The following GALNTL6 variants were observed in gnomAD, a reference collection of about 807,000 sequenced individuals.
GALNTL6 encodes polypeptide N-acetylgalactosaminyltransferase-like 6.
Under a neutral mutation model 73.7 loss-of-function variants are expected in GALNTL6, and 46 were observed. The observed-to-expected ratio is 0.62, with a 90% CI of 0.49 to 0.80. GALNTL6 has a LOEUF of 0.80. Ranked by LOEUF, GALNTL6 falls within the 30% of genes least tolerant of loss-of-function variation. The pLI is 0.00. For missense variants in GALNTL6, 604 were observed against 755.0 expected (o/e 0.80, Z 2.34); for synonymous variants, 259 against 263.7 (o/e 0.98, Z 0.17).
intron 2 of GALNTL6, among the ~76,000 whole-genome samples, chr4:171,900,537 G>A (rs1313004760): frequency 1.3e-5 from 2 of 150,186 alleles, no homozygotes; most frequent in African/African-American, 2.5e-5. Context: ...CCAGGATGGT[G>A]TCAATCTCCT....
At chr4:172,123,756 C>T (rs1206945854) in intron 2 of GALNTL6, among the ~76,000 whole-genome samples, 1 of 152,114 alleles carries the variant, frequency 6.6e-6, no homozygotes, top group Non-Finnish European at 1.5e-5. Flanking sequence ...ACCTCAGCCT[C>T]CCAAAGTGCT....
rs568977528 is a variant in GALNTL6 at position 171,910,385 on chromosome 4, A to AT, written c.138+95668dup. 4.4e-3 allele frequency among the ~76,000 whole-genome samples: 667 copies of AT among 152,278 alleles called. 2 individuals carry two copies. Among genetic ancestry groups the AT allele is most frequent in the Middle Eastern group, 0.014 (4 of 294 alleles). On this transcript the variant is annotated intron_variant, in intron 2 of 12. Coordinates refer to ENST00000506823, the MANE Select transcript of GALNTL6 (RefSeq NM_001034845.3). ...AAACAGATTGAAAGAAAAACTGGTG[A>AT]TAAAAAAAAGACCCAAAACCAATAA...
intron 2 of GALNTL6, among the ~76,000 whole-genome samples, chr4:172,159,667 T>C (rs1734393493): frequency 6.6e-6 from 1 of 152,122 alleles, no homozygotes; most frequent in Non-Finnish European, 1.5e-5. Context: ...GGCTGGAGTT[T>C]TGTTAAGTGA....
At chr4:171,836,031 T>C (rs1048949753) in intron 2 of GALNTL6, among the ~76,000 whole-genome samples, 2 of 151,934 alleles carry the variant, frequency 1.3e-5, no homozygotes, top group Non-Finnish European at 2.9e-5. Flanking sequence ...GAAGGGAAAA[T>C]GATACTATCA....
At chr4:172,356,587 T>G (rs1742170745) in intron 5 of GALNTL6, among the ~76,000 whole-genome samples, 1 of 152,214 alleles carries the variant, frequency 6.6e-6, no homozygotes, top group Non-Finnish European at 1.5e-5. Flanking sequence ...GAACATCAAA[T>G]TCATCCATGT....
intron 3 of GALNTL6, among the ~76,000 whole-genome samples, chr4:172,239,283 G>T (rs936608282): frequency 1.1e-4 from 16 of 152,116 alleles, no homozygotes; most frequent in Admixed American, 6.5e-4. Context: ...TCAATTATTG[G>T]TCTATTCATG....
chr4:172,198,722 C>T (rs1735858321), intron 2 of GALNTL6, among the ~76,000 whole-genome samples: 1 of 152,056 alleles, frequency 6.6e-6, no homozygotes, highest in Non-Finnish European at 1.5e-5. Context: ...TCTGGTCAAC[C>T]AAGACAACAT....
At chr4:172,640,368 C>T (rs938736297) in intron 5 of GALNTL6, among the ~76,000 whole-genome samples, 1 of 152,036 alleles carries the variant, frequency 6.6e-6, no homozygotes, top group African/African-American at 2.4e-5. Context: ...TTGAAGTGTC[C>T]CAGGTTTTAC....
At chr4:172,940,930 C>T (rs559751036) in intron 9 of GALNTL6, among the ~76,000 whole-genome samples, 1 of 152,302 alleles carries the variant, frequency 6.6e-6, no homozygotes, top group East Asian at 1.9e-4. Flanking sequence ...CCAGCCTCAA[C>T]CTCCCAAAGT....
intron 2 of GALNTL6, among the ~76,000 whole-genome samples, chr4:171,942,241 G>GATAGATAAATAAATAAATAAATAA: frequency 3.3e-5 from 1 of 30,206 alleles, no homozygotes; most frequent in Middle Eastern, 0.023. Flanking sequence ...AAAATAAATA[G>GATAGATAAATAAATAAATAAATAA]ATAAATAAAT....
intron 2 of GALNTL6, among the ~76,000 whole-genome samples, chr4:171,831,930 T>A (rs1460322779): frequency 1.3e-5 from 2 of 151,472 alleles, no homozygotes; most frequent in Non-Finnish European, 3.0e-5. Flanking sequence ...GACACAAAAG[T>A]ATTTTTTTAT....
chr4:172,707,395 G>A (rs1283426471), intron 5 of GALNTL6, among the ~76,000 whole-genome samples: 1 of 152,142 alleles, frequency 6.6e-6, no homozygotes, highest in Non-Finnish European at 1.5e-5. Flanking sequence ...AAAATCACAA[G>A]TATAGTCCTG....
intron 8 of GALNTL6, among the ~76,000 whole-genome samples, chr4:172,915,543 C>T (rs1473922223): frequency 1.3e-5 from 2 of 152,120 alleles, no homozygotes; most frequent in East Asian, 3.9e-4. Flanking sequence ...CAAATAGATG[C>T]AGTAAAAAAT....
intron 2 of GALNTL6, among the ~76,000 whole-genome samples, chr4:172,023,750 A>G (rs1741471221): frequency 6.6e-6 from 1 of 151,874 alleles, no homozygotes; most frequent in East Asian, 1.9e-4. Context: ...AGCTTTGGTC[A>G]TTCTTTATAT....
chr4:172,225,377 C>A (rs1260072094), intron 2 of GALNTL6, among the ~76,000 whole-genome samples: 6 of 150,594 alleles, frequency 4.0e-5, no homozygotes, highest in Non-Finnish European at 8.8e-5. Context: ...GAAAAAGATT[C>A]TTCAGTAGAT....
rs762945191 is a variant in GALNTL6 at position 172,441,586 on chromosome 4, T to C, written c.553+92897T>C. ...GTGCTGTTTGCTGATGATTTTGCTG[T>C]TTAAAATGGCCTCCAAGCAGAGTGC... On this transcript the variant is annotated intron_variant, in intron 5 of 12. Coordinates refer to ENST00000506823, the MANE Select transcript of GALNTL6 (RefSeq NM_001034845.3). Among the ~76,000 whole-genome samples, 83 of 152,234 alleles carry C rather than the reference T, an allele frequency of 5.5e-4. 1 individual carries two copies. The highest frequency in any genetic ancestry group is 7.7e-4 in the East Asian group (4 of 5,178).
intron 7 of GALNTL6, among the ~76,000 whole-genome samples, chr4:172,829,567 G>A (rs1049426600): frequency 5.9e-5 from 9 of 152,176 alleles, no homozygotes; most frequent in African/African-American, 2.2e-4. Context: ...AACTTCAAAT[G>A]CGTATTTAGA....
chr4:172,354,365 A>C (rs1561042071), intron 5 of GALNTL6, among the ~76,000 whole-genome samples: 1 of 152,152 alleles, frequency 6.6e-6, no homozygotes, highest in Admixed American at 6.5e-5. Flanking sequence ...ATATAACAGT[A>C]TATTTAGAAA....
intron 10 of GALNTL6, among the ~76,000 whole-genome samples, chr4:172,974,274 G>T (rs1311985883): frequency 6.6e-6 from 1 of 152,072 alleles, no homozygotes; most frequent in Non-Finnish European, 1.5e-5. Context: ...GAGACAAGAT[G>T]CTGTATAATA....
Sources: gnomAD v4.1 joint callset for allele counts (sites outside exome capture counted in the v4.1 genomes callset) on GRCh38, gnomAD v4.1.1 for gene constraint, MANE v1.5 for transcripts, NCBI Gene and HGNC (gene_info 2026-07-23, HGNC 2026-07-21) for gene names.